TANGO2: variants seen among roughly 807,000 people sequenced by gnomAD.
TANGO2 encodes transport and golgi organization 2 homolog.
A neutral mutation model predicts 39.1 loss-of-function variants in TANGO2; 26 were observed. The ratio of observed to expected loss-of-function variants is 0.67; its 90% CI spans 0.49 to 0.92. The LOEUF is 0.92. Ranked by LOEUF, TANGO2 falls within the 40% of genes least tolerant of loss-of-function variation. The probability of loss-of-function intolerance (pLI) is 0.00; values close to 1 mark genes in which losing one functional copy is unlikely to be tolerated. For missense variants in TANGO2, 326 were observed against 360.1 expected (o/e 0.91, Z 0.77); for synonymous variants, 131 against 144.5 (o/e 0.91, Z 0.67).
At chr22:20,040,523 G>A (rs952055272) in intron 2 of TANGO2, among the ~76,000 whole-genome samples, 2 of 152,208 alleles carry the variant, frequency 1.3e-5, no homozygotes, top group Non-Finnish European at 2.9e-5. Context: ...AGAGAATGCT[G>A]AGCAGAACCA....
At chr22:20,020,307 C>CCT (rs1166348385), upstream of TANGO2, among the ~76,000 whole-genome samples, 1 of 152,154 alleles carries the variant, frequency 6.6e-6, no homozygotes, top group Non-Finnish European at 1.5e-5. Flanking sequence ...AGGGCCTGAG[C>CCT]CTCTGGGCTT....
At chr22:20,053,740 A>G (rs1569314456) in intron 5 of TANGO2, 189 bp downstream of exon 5, 1 of 632,324 alleles carries the variant, frequency 1.6e-6, no homozygotes, top group East Asian at 3.3e-5. Flanking sequence ...TTTGGGGGTG[A>G]AGCCCAAGGC....
intron 3 of TANGO2, among the ~76,000 whole-genome samples, chr22:20,044,688 G>A (rs1009468272): frequency 6.6e-6 from 1 of 152,210 alleles, no homozygotes; most frequent in Non-Finnish European, 1.5e-5. Flanking sequence ...CTGAGGCAGG[G>A]TGGTCCTAGG....
At position 20,037,193 on chromosome 22, in the gene TANGO2, G is replaced by A. The variant is rs1038192632; in HGVS notation, c.56+339G>A. 6.9e-5 allele frequency: 94 copies of A among 1,367,002 alleles called. No individual in the cohort carries two copies. In the African/African-American group the frequency reaches 1.3e-3, roughly 19 times the overall value. 84.7% of individuals were successfully genotyped at this position (1,367,002 alleles called of 1,614,324 possible). A position where few individuals can be genotyped will look rare whatever the true frequency, so the allele number is the denominator to read the frequency against. ...CTGGGACAACGGCGTCAGTGAGTGA[G>A]AGCCAGCTTGGGCTGGCGGGTCACA... On this transcript the variant is annotated intron_variant, in intron 2 of 8. Transcript: ENST00000327374.
upstream of TANGO2, among the ~76,000 whole-genome samples, chr22:20,018,430 C>T (rs1199662770): frequency 6.6e-6 from 1 of 152,176 alleles, no homozygotes; most frequent in Non-Finnish European, 1.5e-5. Flanking sequence ...CGTAATGAGT[C>T]CAGCTGTCCC....
chr22:20,048,482 T>A (rs1022155786), intron 3 of TANGO2, among the ~76,000 whole-genome samples: 2 of 152,314 alleles, frequency 1.3e-5, no homozygotes, highest in South Asian at 2.1e-4. Flanking sequence ...TTATTTATTT[T>A]TTGGTTGTTT....
At chr22:20,031,619 C>T (rs1178517490) in intron 1 of TANGO2, among the ~76,000 whole-genome samples, 2 of 152,180 alleles carry the variant, frequency 1.3e-5, no homozygotes, top group East Asian at 3.9e-4. Flanking sequence ...CTGTGTCATG[C>T]CAGTTGCTTT....
At chr22:20,056,500 C>T (rs759826637) in intron 6 of TANGO2, 44 of 457,298 alleles carry the variant, frequency 9.6e-5, no homozygotes, top group South Asian at 5.7e-4. Flanking sequence ...AGCCCCTCTG[C>T]GCCAGGTCAC....
At chr22:20,050,261 C>G (rs2046051600) in intron 3 of TANGO2, among the ~76,000 whole-genome samples, 1 of 151,776 alleles carries the variant, frequency 6.6e-6, no homozygotes, top group South Asian at 2.1e-4. Flanking sequence ...ATATGCATGT[C>G]TCTCCTTAAA....
At chr22:20,033,078 G>A (rs117194710) in intron 1 of TANGO2, 9,526 of 428,152 alleles carry the variant, frequency 0.022, 184 homozygotes, top group Middle Eastern at 0.05. Context: ...GGCAGGGGGA[G>A]GGGGAGACCT....
At chr22:20,058,821 A>G (rs5748515) in intron 6 of TANGO2, among the ~76,000 whole-genome samples, 41,497 of 151,980 alleles carry the variant, frequency 0.27, 6,136 homozygotes, top group African/African-American at 0.38. Flanking sequence ...ATATCACACA[A>G]TAGAGTCATA....
At chr22:20,030,775 G>A (rs1030014718) in intron 1 of TANGO2, among the ~76,000 whole-genome samples, 1 of 152,164 alleles carries the variant, frequency 6.6e-6, no homozygotes, top group Non-Finnish European at 1.5e-5. Context: ...AGCAGTTGCT[G>A]TAAAATTTTT....
chr22:20,057,982 A>G lies in TANGO2; in HGVS notation c.451+1969A>G, dbSNP rs1038223091. 1.3e-5 allele frequency: 2 copies of G among 151,246 alleles called. No homozygotes were observed. Among genetic ancestry groups the G allele is most frequent in the Non-Finnish European group, 2.9e-5 (2 of 67,904 alleles). The allele number at this position is 151,246 out of a possible 1,614,324, so 9.4% of individuals were successfully genotyped here. ...TGTTCTGTAGAACTTATTTCTGTCT[A>G]CATCCTGCCTCATCCCTGAGCCTGC... On this transcript the variant is annotated intron_variant, in intron 6 of 8. Transcript: ENST00000327374. This position sits in a 1 kb window ranked among gnomAD's most constrained non-coding sequence, Gnocchi z 4.1.
intron 3 of TANGO2, chr22:20,047,957 T>A (rs2045566538): frequency 6.6e-6 from 1 of 150,872 alleles, no homozygotes; most frequent in Non-Finnish European, 1.5e-5. Flanking sequence ...TGAGTTTCGC[T>A]CTTGTTACCC....
intron 1 of TANGO2, among the ~76,000 whole-genome samples, chr22:20,029,855 G>A (rs2041503764): frequency 6.6e-6 from 1 of 152,200 alleles, no homozygotes; most frequent in Non-Finnish European, 1.5e-5. Flanking sequence ...CAGGGTGCCT[G>A]GCCCAACTGG....
At chr22:20,049,095 T>C (rs1346042254) in intron 3 of TANGO2, among the ~76,000 whole-genome samples, 2 of 152,228 alleles carry the variant, frequency 1.3e-5, no homozygotes, top group Admixed American at 1.3e-4. Flanking sequence ...TTTGTTTTTA[T>C]GTTTGGTCTA....
At chr22:20,024,256 G>A (rs892560297) in intron 1 of TANGO2, among the ~76,000 whole-genome samples, 21 of 152,228 alleles carry the variant, frequency 1.4e-4, no homozygotes, top group African/African-American at 4.1e-4. Context: ...TAGCCAGAGA[G>A]TGTAAACTGG....
chr22:20,060,632 C>T (rs1466016237), intron 6 of TANGO2, among the ~76,000 whole-genome samples: 2 of 152,158 alleles, frequency 1.3e-5, no homozygotes, highest in Non-Finnish European at 2.9e-5. Context: ...CTATGCAGTT[C>T]AATGGTCTTC....
intron 3 of TANGO2, among the ~76,000 whole-genome samples, chr22:20,045,746 G>T (rs1054152788): frequency 7.2e-5 from 11 of 151,878 alleles, no homozygotes; most frequent in Admixed American, 2.6e-4. Flanking sequence ...CAGGTGATCC[G>T]CCCGCCTTGT....
Sources: allele counts gnomAD v4.1 joint callset (sites outside exome capture counted in the v4.1 genomes callset), GRCh38; gene constraint gnomAD v4.1.1; non-coding constraint Gnocchi (gnomAD v3.1); transcripts MANE v1.5; gene names NCBI Gene and HGNC (gene_info 2026-07-23, HGNC 2026-07-21).